Variants in AP1M2 observed in about 807,000 individuals in gnomAD.
AP1M2 encodes the protein AP-1 complex subunit mu-2.
In AP1M2, 41 loss-of-function variants were observed where a neutral mutation model predicts 54.6. The ratio of observed to expected loss-of-function variants is 0.75; its 90% confidence interval spans 0.59 to 0.97. AP1M2 has a LOEUF of 0.97. Among genes scored for constraint, AP1M2 ranks in the 50% least tolerant of loss-of-function variants. The probability of loss-of-function intolerance (pLI) is 0.00; values close to 1 mark genes in which losing one functional copy is unlikely to be tolerated. For missense variants in AP1M2, 507 were observed against 561.2 expected, an observed-to-expected ratio of 0.90 and a Z score of 0.98; for synonymous variants, 219 against 215.9, an observed-to-expected ratio of 1.01 and a Z score of -0.13.
Position 10,574,442 on chromosome 19 carries a change from C to T in AP1M2, c.1224G>A (p.Trp408Ter). Residue 408 changes from tryptophan (W) to a stop codon, truncating the protein, a stop_gained, in exon 11 of 12, where the codon TGG becomes TGA. Coordinates refer to ENST00000250244, the MANE Select transcript of AP1M2 (RefSeq NM_005498.5). LOFTEE classifies it high-confidence loss of function. Reference sequence around the variant, plus strand: ...CGCCACTCTGGGTGATGTAGCGAACCCAGGGCAGGGCCTGGTAACCACTTT... The same window carrying T: ...CGCCACTCTGGGTGATGTAGCGAACTCAGGGCAGGGCCTGGTAACCACTTT... ...IEKSGYQALP[W>*]VRYITQSGDY... 6.4e-7 allele frequency: 1 copy of T among 1,561,828 alleles called. No homozygotes were observed. Among genetic ancestry groups the T allele is most frequent in the East Asian group, 2.4e-5 (1 of 42,116 alleles).
At chr19:10,583,153 A>T (rs1024672065) in intron 3 of AP1M2, among the ~76,000 whole-genome samples, 1 of 151,260 alleles carries the variant, frequency 6.6e-6, no homozygotes, top group Admixed American at 6.6e-5. Context: ...AAGCACAGAG[A>T]CAAGAAGTCA....
intron 6 of AP1M2, 49 bp from the exon 7 acceptor site, chr19:10,579,907 G>T (rs1917379013): frequency 6.5e-7 from 1 of 1,538,774 alleles, no homozygotes; most frequent in Admixed American, 1.9e-5. Flanking sequence ...ACCAGGAAAG[G>T]ATCCCTATCC....
In AP1M2 at chr19:10,577,512, T is replaced by C. The variant is rs565586125; in HGVS notation, c.889-156A>G. ...GCAGTGGCGCGATCTCGGCTGGCTG[T>C]AAGCTCCGCCTCCCAGGTTCACGCC... On this transcript the variant is annotated intron_variant, in intron 8 of 11. Transcript: ENST00000250244. Among the ~76,000 whole-genome samples the C allele has an allele frequency of 3.0e-4, 40 of 133,946 alleles. No homozygotes were observed. The East Asian group carries it at 7.8e-3, about 26-fold the overall frequency. 87.9% of individuals were successfully genotyped at this position (133,946 alleles called of 152,430 possible). A position where few individuals can be genotyped will look rare whatever the true frequency, so the allele number is the denominator to read the frequency against.
chr19:10,575,238 G>C (rs953082157), intron 9 of AP1M2, among the ~76,000 whole-genome samples: 3 of 152,120 alleles, frequency 2.0e-5, no homozygotes, highest in African/African-American at 7.2e-5. Context: ...TGCAGTTTCA[G>C]CTACTTGGGA....
rs1387796687 is a variant in AP1M2 at position 10,581,763 on chromosome 19, C to T, written c.383G>A (p.Ser128Asn). ...GTCCACTCACTCCTGCAGGATCTTG[C>T]TGTCGGTGGTCTGCGGGAAGCCAAA... ...MDFGFPQTTD[S>N]KILQEYITQQ... The change falls in exon 4 of 12, where the codon AGC becomes AAC. Residue 128 changes from serine to asparagine, a missense_variant. Ser to Asn is a conservative substitution (Grantham distance 46). Coordinates refer to ENST00000250244, the MANE Select transcript of AP1M2 (RefSeq NM_005498.5). 7 of 1,613,674 alleles carry T rather than the reference C, an allele frequency of 4.3e-6. No homozygotes were observed. The highest frequency in any genetic ancestry group is 5.9e-6 in the Non-Finnish European group (7 of 1,179,914).
chr19:10,585,314 A>AGAAGGAAAGAAG (rs1917614395), intron 1 of AP1M2, among the ~76,000 whole-genome samples: 2 of 141,966 alleles, frequency 1.4e-5, no homozygotes, highest in African/African-American at 2.5e-5. Context: ...AAAGAAAGAA[A>AGAAGGAAAGAAG]GAAAGAAAGA....
intron 7 of AP1M2, among the ~76,000 whole-genome samples, chr19:10,579,313 C>A (rs938267397): frequency 6.6e-6 from 1 of 151,902 alleles, no homozygotes; most frequent in Non-Finnish European, 1.5e-5. Context: ...CTACTCGGGA[C>A]GCTGAGGCAG....
chr19:10,579,014 T>C, intron 7 of AP1M2, 51 bp from the exon 8 acceptor site: 1 of 1,154,088 alleles, frequency 8.7e-7, no homozygotes, highest in Non-Finnish European at 1.2e-6. Context: ...TTGACTCTCT[T>C]CTTTTTTTTT....
intron 11 of AP1M2, among the ~76,000 whole-genome samples, chr19:10,574,085 C>T (rs1344123467): frequency 2.6e-5 from 4 of 152,148 alleles, no homozygotes; most frequent in East Asian, 1.9e-4. Context: ...TGCAGTGGCA[C>T]GATCTCAGCT....
In AP1M2 at chr19:10,574,445, G is replaced by C; in HGVS notation, c.1221C>G (p.Pro407=). The part of the protein sequence containing the change: ...IIEKSGYQAL[P]WVRYITQSGD... The stretch of plus-strand genomic sequence containing the variant: ...CACTCTGGGTGATGTAGCGAACCCA[G>C]GGCAGGGCCTGGTAACCACTTTTCT... Residue 407 remains proline, a synonymous_variant, in exon 11 of 12, where the codon CCC becomes CCG. Coordinates refer to ENST00000250244, the MANE Select transcript of AP1M2 (RefSeq NM_005498.5). 2 of 1,562,566 alleles carry C rather than the reference G, an allele frequency of 1.3e-6. No homozygotes were observed. The highest frequency in any genetic ancestry group is 8.7e-7 in the Non-Finnish European group (1 of 1,153,718).
chr19:10,579,939 G>T, intron 6 of AP1M2, 81 bp from the exon 7 acceptor site: 1 of 1,397,052 alleles, frequency 7.2e-7, no homozygotes, highest in Non-Finnish European at 9.6e-7. Context: ...GCCGACCACT[G>T]TCACCTATTT....
intron 3 of AP1M2, 174 bp downstream of exon 3, chr19:10,583,432 C>G (rs192937185): frequency 1.0e-5 from 5 of 490,978 alleles, no homozygotes; most frequent in Middle Eastern, 4.5e-4. Context: ...TCCAGAAGTT[C>G]TAGACCAGCC....
intron 10 of AP1M2, 116 bp from the exon 11 acceptor site, chr19:10,574,608 G>A: frequency 1.1e-6 from 1 of 908,902 alleles, no homozygotes; most frequent in Non-Finnish European, 1.7e-6. Flanking sequence ...ATCGATGAGG[G>A]GATATCACAT....
chr19:10,586,269 C>T lies in AP1M2; in HGVS notation c.42+921G>A, dbSNP rs569978611. ...TTGCACTCCAGCCTGGGTGACAAGG[C>T]GAGACTCTGTCTTGAAAAAAAAAAA... On this transcript the variant is annotated intron_variant, in intron 1 of 11. Transcript: ENST00000250244. 3.5e-3 allele frequency among the ~76,000 whole-genome samples: 519 copies of T among 146,866 alleles called. 2 individuals carry two copies. The highest frequency in any genetic ancestry group is 0.012 in the African/African-American group (495 of 39,864).
At chr19:10,587,144 C>G in intron 1 of AP1M2, 46 bp downstream of exon 1, 1 of 1,545,782 alleles carries the variant, frequency 6.5e-7, no homozygotes, top group Non-Finnish European at 8.7e-7. Context: ...TCCCTGGGAG[C>G]GAGACCTCAC....
intron 3 of AP1M2, among the ~76,000 whole-genome samples, chr19:10,583,135 T>TC (rs1437257788): frequency 6.6e-6 from 1 of 151,712 alleles, no homozygotes; most frequent in Admixed American, 6.6e-5. Flanking sequence ...CTTTTTCTTT[T>TC]TTTTTTTAAG....
chr19:10,585,268 GA>G (rs1240693239), intron 1 of AP1M2, among the ~76,000 whole-genome samples: 8,983 of 104,354 alleles, frequency 0.086, 892 homozygotes, highest in East Asian at 0.21. Context: ...AAGAAGGAAA[GA>G]AAGAAAGAAG....
At position 10,579,828 on chromosome 19, in the gene AP1M2, T is replaced by A; in HGVS notation, c.704A>T (p.Asp235Val). ...RSKNKSVELE[D>V]VKFHQCVRLS... Reference sequence around the variant, plus strand: ...CCGCACGCACTGGTGGAATTTTACATCCTCCAGCTCTACTGATTTGTTCTT... The same window carrying A: ...CCGCACGCACTGGTGGAATTTTACAACCTCCAGCTCTACTGATTTGTTCTT... The change falls in exon 7 of 12, where the codon GAT becomes GTT. Residue 235 changes from aspartate to valine, a missense_variant. By Grantham distance (152) the Asp-to-Val change is radical. Coordinates refer to ENST00000250244, the MANE Select transcript of AP1M2 (RefSeq NM_005498.5). 1.9e-6 allele frequency: 3 copies of A among 1,612,886 alleles called. No individual in the cohort carries two copies. Among genetic ancestry groups the A allele is most frequent in the South Asian group, 1.1e-5 (1 of 90,914 alleles).
At chr19:10,585,261 A>AAAGAAAG (rs1447190715) in intron 1 of AP1M2, among the ~76,000 whole-genome samples, 1 of 126,272 alleles carries the variant, frequency 7.9e-6, no homozygotes, top group Non-Finnish European at 1.7e-5. Context: ...AGAAGGAAAG[A>AAAGAAAG]AGGAAAGAAA....
Sources: gnomAD v4.1 joint callset for allele counts (sites outside exome capture counted in the v4.1 genomes callset) on GRCh38, gnomAD v4.1.1 for gene constraint, MANE v1.5 for transcripts, NCBI Gene and HGNC (gene_info 2026-07-23, HGNC 2026-07-21) for gene names.